Variants in FAM217A observed in about 807,000 individuals in gnomAD.
FAM217A encodes family with sequence similarity 217 member A.
FAM217A carries 13 observed loss-of-function variants against 18.5 expected under a neutral mutation model. That is an observed-to-expected ratio of 0.70 (90% confidence interval 0.46 to 1.12). The LOEUF (loss-of-function observed/expected upper bound fraction) is 1.12, where lower values mean the gene tolerates loss of function less well. FAM217A is among the 50% of genes most tolerant of loss of function. FAM217A has a pLI of 0.00. For synonymous variants in FAM217A, 161 were observed against 202.8 expected (o/e 0.79, Z 1.75); for missense variants, 560 against 575.4 (o/e 0.97, Z 0.27).
chr6:4,083,588 G>A (rs756220839), upstream of FAM217A, among the ~76,000 whole-genome samples: 3 of 148,004 alleles, frequency 2.0e-5, no homozygotes, highest in Non-Finnish European at 4.4e-5. Flanking sequence ...GTCCCACTCT[G>A]TTGCCCAGGG....
At position 4,069,817 on chromosome 6, in the gene FAM217A, G is replaced by T. The variant is rs371728702; in HGVS notation, c.406C>A (p.Gln136Lys). 1 of 1,614,172 alleles carries T rather than the reference G, an allele frequency of 6.2e-7. No individual in the cohort carries two copies. Among genetic ancestry groups the T allele is most frequent in the Admixed American group, 1.7e-5 (1 of 60,026 alleles). Residue 136 changes from glutamine (Q) to lysine (K), a missense_variant, in exon 7 of 7, where the codon CAA becomes AAA. Gln to Lys is a moderately conservative substitution (Grantham distance 53). Transcript: ENST00000274673. ...HPLTIASVDK[Q>K]VGPYPGLPMP... is the part of the protein sequence containing the mutation. ...GGCAGTCCAGGGTAAGGACCAACTT[G>T]CTTATCAACTGAAGCAATTGTTAAT...
chr6:4,083,969 ACATTT>A (rs1371345465), upstream of FAM217A, among the ~76,000 whole-genome samples: 1 of 152,198 alleles, frequency 6.6e-6, no homozygotes, highest in African/African-American at 2.4e-5. Context: ...TCAGTGGGAA[ACATTT>A]CATTTCAATT....
Position 4,069,263 on chromosome 6 carries a change from TCG to T in FAM217A, c.958_959del (p.Arg320ThrfsTer28). 1 of 1,614,108 alleles carries T rather than the reference TCG, an allele frequency of 6.2e-7. No individual in the cohort carries two copies. Among genetic ancestry groups the T allele is most frequent in the Non-Finnish European group, 8.5e-7 (1 of 1,180,016 alleles). ...TTFCTPAVTE[R>X]PSSSKATPKV... is the part of the protein sequence containing the mutation. ...TTGGTGTAGCTTTGGAGGAAGAGGG[TCG>T]TTCAGTAACTGCTGGAGTACAGAAA... On this transcript the variant is annotated frameshift_variant, in exon 7 of 7. Coordinates refer to ENST00000274673, the MANE Select transcript of FAM217A (RefSeq NM_173563.3). LOFTEE classifies it low-confidence loss of function (END_TRUNC).
upstream of FAM217A, among the ~76,000 whole-genome samples, chr6:4,082,317 C>T (rs536835713): frequency 3.4e-4 from 52 of 152,236 alleles, no homozygotes; most frequent in Middle Eastern, 3.4e-3. Context: ...TGTTGGGGCT[C>T]GGAAAACAGT....
At chr6:4,077,501 A>G in intron 1 of FAM217A, 53 bp from the exon 2 acceptor site, 1 of 1,399,854 alleles carries the variant, frequency 7.1e-7, no homozygotes, top group Admixed American at 1.7e-5. Context: ...ACATTTATAA[A>G]AAAGAAAGTG....
At chr6:4,083,822 A>T (rs933380669), upstream of FAM217A, among the ~76,000 whole-genome samples, 1 of 152,152 alleles carries the variant, frequency 6.6e-6, no homozygotes, top group Non-Finnish European at 1.5e-5. Context: ...TCAGAGTGCT[A>T]GGATTACAGC....
chr6:4,086,833 C>G (rs1770697502), intron 1 of FAM217A, among the ~76,000 whole-genome samples: 1 of 152,158 alleles, frequency 6.6e-6, no homozygotes, highest in African/African-American at 2.4e-5. Flanking sequence ...TTGCTCTGGA[C>G]TGTGCTATCA....
chr6:4,073,596 A>C, intron 4 of FAM217A, 89 bp from the exon 5 acceptor site: 14 of 1,019,754 alleles, frequency 1.4e-5, no homozygotes, highest in Non-Finnish European at 2.0e-5. Context: ...CTAATCAAGG[A>C]ATGTATGGTA....
chr6:4,069,965 TA>T, intron 6 of FAM217A, 45 bp from the exon 7 acceptor site: 5 of 1,332,618 alleles, frequency 3.8e-6, no homozygotes, highest in Non-Finnish European at 5.1e-6. Flanking sequence ...TGACTAGAAT[TA>T]AAATGCTATT....
chr6:4,085,303 T>TAAAA (rs879633358), intron 1 of FAM217A, among the ~76,000 whole-genome samples: 154 of 142,134 alleles, frequency 1.1e-3, no homozygotes, highest in East Asian at 4.5e-3. Context: ...TTATTCATTG[T>TAAAA]AAAAAAAAAT....
At position 4,084,809 on chromosome 6, in the gene FAM217A, C is replaced by G. The variant is rs1236803227; in HGVS notation, c.20G>C (p.Arg7Thr). ...AAGGTATTCAGGAGACACAGCAACC[C>G]TCTTAGGAACAGAAAAAGGAATTGC... The change falls in exon 2 of 9, where the codon AGG becomes ACG. Residue 7 changes from arginine (R) to threonine (T), a missense_variant and splice_region_variant. Physicochemically the swap from Arg to Thr is moderately conservative, Grantham distance 71. Coordinates refer to the FAM217A transcript ENST00000639338. The G allele has an allele frequency of 4.3e-6, 3 of 702,696 alleles. No homozygotes were observed. In the South Asian group the frequency reaches 4.4e-5, roughly 10 times the overall value. The allele number at this position is 702,696 out of a possible 1,614,324, so 43.5% of individuals were successfully genotyped here.
chr6:4,085,303 TA>T (rs879633358), intron 1 of FAM217A, among the ~76,000 whole-genome samples: 14 of 142,138 alleles, frequency 9.8e-5, no homozygotes, highest in South Asian at 8.7e-4. Context: ...TTATTCATTG[TA>T]AAAAAAAATA....
chr6:4,076,204 CTGTAATCCCAGCTACT>C (rs1769783407), intron 2 of FAM217A, among the ~76,000 whole-genome samples: 1 of 151,852 alleles, frequency 6.6e-6, no homozygotes, highest in South Asian at 2.1e-4. Context: ...TGGTGGGTGC[CTGTAATCCCAGCTACT>C]TGGGAGGCTG....
upstream of FAM217A, chr6:4,079,750 A>G (rs1025719544): frequency 5.4e-6 from 5 of 927,412 alleles, 1 homozygote; most frequent in Admixed American, 6.2e-5. Flanking sequence ...CTATGCTTGT[A>G]CAATATATTA....
At chr6:4,083,555 T>TTG (rs1280882558), upstream of FAM217A, among the ~76,000 whole-genome samples, 28 of 147,806 alleles carry the variant, frequency 1.9e-4, no homozygotes, top group Middle Eastern at 3.4e-3. Flanking sequence ...TTCTTTTCTT[T>TTG]TCTTTTTTTT....
intron 4 of FAM217A, among the ~76,000 whole-genome samples, 180 bp downstream of exon 4, chr6:4,074,263 C>G (rs1488579381): frequency 1.3e-5 from 2 of 152,120 alleles, no homozygotes; most frequent in African/African-American, 4.8e-5. Flanking sequence ...CTTAATATAA[C>G]AAAATATTCA....
intron 4 of FAM217A, among the ~76,000 whole-genome samples, chr6:4,074,019 T>G (rs1769597850): frequency 6.6e-6 from 1 of 152,008 alleles, no homozygotes; most frequent in African/African-American, 2.4e-5. Flanking sequence ...CCTGGCTAAT[T>G]TTTTTGTATT....
At chr6:4,079,405 C>G (rs937893986), upstream of FAM217A, 4 of 318,114 alleles carry the variant, frequency 1.3e-5, no homozygotes, top group African/African-American at 9.2e-5. Context: ...AGGGGCCGCC[C>G]CCGGCCTCGC....
At chr6:4,082,261 C>T (rs1648502651), upstream of FAM217A, among the ~76,000 whole-genome samples, 1 of 152,128 alleles carries the variant, frequency 6.6e-6, no homozygotes, top group Admixed American at 6.5e-5. Flanking sequence ...CAGCTCAGAC[C>T]CAGCTCAACA....
Sources: allele counts gnomAD v4.1 joint callset (sites outside exome capture counted in the v4.1 genomes callset), GRCh38; gene constraint gnomAD v4.1.1; transcripts MANE v1.5; gene names NCBI Gene and HGNC (gene_info 2026-07-23, HGNC 2026-07-21).